PHF21A: variants seen among roughly 807,000 people sequenced by gnomAD.
PHF21A encodes the protein BHC80a.
A neutral mutation model predicts 82.5 loss-of-function variants in PHF21A; 11 were observed. The ratio of observed to expected loss-of-function variants is 0.13; its 90% CI spans 0.08 to 0.22. The LOEUF (loss-of-function observed/expected upper bound fraction) is 0.22. Ranked by LOEUF, PHF21A falls within the 10% of genes least tolerant of loss-of-function variation. PHF21A has a pLI of 1.00. For missense variants in PHF21A, 579 were observed against 837.8 expected, an observed-to-expected ratio of 0.69 and a Z score of 3.81; for synonymous variants, 297 against 302.8, an observed-to-expected ratio of 0.98 and a Z score of 0.20.
At chr11:46,008,743 C>G (rs989077803) in intron 6 of PHF21A, among the ~76,000 whole-genome samples, 2 of 152,082 alleles carry the variant, frequency 1.3e-5, no homozygotes, top group African/African-American at 4.8e-5. Flanking sequence ...ATAAATAAAT[C>G]TGAATATAAT....
At chr11:46,048,264 CT>C (rs1273037575) in intron 6 of PHF21A, among the ~76,000 whole-genome samples, 1 of 152,152 alleles carries the variant, frequency 6.6e-6, no homozygotes, top group Non-Finnish European at 1.5e-5. Context: ...AGTATAAGGC[CT>C]TTTGTCATTG....
intron 6 of PHF21A, among the ~76,000 whole-genome samples, chr11:46,028,730 C>T (rs573379621): frequency 1.3e-5 from 2 of 152,130 alleles, no homozygotes; most frequent in East Asian, 1.9e-4. Flanking sequence ...CCCGCCACCA[C>T]GCCCAGCTAA....
intron 15 of PHF21A, among the ~76,000 whole-genome samples, chr11:45,939,438 AT>A (rs1165896147): frequency 2.0e-5 from 3 of 152,244 alleles, no homozygotes; most frequent in Non-Finnish European, 4.4e-5. Flanking sequence ...ATGGGAAAAT[AT>A]TAAGTCAGAA....
intron 1 of PHF21A, among the ~76,000 whole-genome samples, chr11:46,099,555 CA>C (rs1349909082): frequency 1.1e-4 from 16 of 151,274 alleles, no homozygotes; most frequent in African/African-American, 3.9e-4. Context: ...CACACACACA[CA>C]CACACACCCT....
At chr11:46,001,232 G>T (rs1038897135) in intron 6 of PHF21A, among the ~76,000 whole-genome samples, 1 of 151,580 alleles carries the variant, frequency 6.6e-6, no homozygotes, top group Non-Finnish European at 1.5e-5. Flanking sequence ...GAATCTGAAG[G>T]GAATGTGGAA....
chr11:46,106,564 G>T (rs1010093756), intron 1 of PHF21A, among the ~76,000 whole-genome samples: 1 of 152,160 alleles, frequency 6.6e-6, no homozygotes, highest in Admixed American at 6.5e-5. Flanking sequence ...GAGATATGAT[G>T]ATTTCAATAA....
chr11:46,004,423 A>G (rs1423723000), intron 6 of PHF21A, among the ~76,000 whole-genome samples: 5 of 152,226 alleles, frequency 3.3e-5, no homozygotes, highest in Non-Finnish European at 7.4e-5. Flanking sequence ...TAGATAAGAA[A>G]TAAGAGACAC....
In PHF21A at chr11:45,930,757, A is replaced by T. The variant is rs2087583115; in HGVS notation, c.*3211T>A. 6.6e-6 allele frequency: 1 copy of T among 152,366 alleles called. No homozygotes were observed. The highest frequency in any genetic ancestry group is 6.5e-5 in the Admixed American group (1 of 15,288). 9.4% of individuals were successfully genotyped at this position (152,366 alleles called of 1,614,324 possible). A position where few individuals can be genotyped will look rare whatever the true frequency, so the allele number is the denominator to read the frequency against. On this transcript the variant is annotated 3_prime_UTR_variant, in exon 19 of 19. Coordinates refer to ENST00000676320, the MANE Select transcript of PHF21A (RefSeq NM_001352027.3). ...GCAGCCGCTCCAGCTCTCTGAAGTG[A>T]CTACAAAGCCAGCTGGTCTCAAAAG... is the stretch of plus-strand genomic sequence containing the variant.
chr11:46,089,522 C>T (rs2096898168), intron 3 of PHF21A, among the ~76,000 whole-genome samples: 1 of 151,884 alleles, frequency 6.6e-6, no homozygotes, highest in Non-Finnish European at 1.5e-5. Context: ...TCTTTTATGA[C>T]ACTCCACAGG....
intron 6 of PHF21A, among the ~76,000 whole-genome samples, chr11:45,989,890 T>G (rs1277933478): frequency 1.3e-5 from 2 of 149,774 alleles, no homozygotes; most frequent in African/African-American, 2.5e-5. Context: ...TATCAGCTAC[T>G]CAGGAGGCTG....
intron 6 of PHF21A, among the ~76,000 whole-genome samples, chr11:46,025,701 G>A (rs546496698): frequency 3.4e-4 from 52 of 152,088 alleles, no homozygotes; most frequent in African/African-American, 9.2e-4. Flanking sequence ...CCCCAAAAAT[G>A]TTATCTTTAC....
chr11:46,030,841 G>GTGTA (rs1272919576), intron 6 of PHF21A, among the ~76,000 whole-genome samples: 1 of 70,966 alleles, frequency 1.4e-5, no homozygotes, highest in Non-Finnish European at 2.6e-5. Flanking sequence ...GTGTGTGTGT[G>GTGTA]TGTGTGTGTG....
chr11:46,046,781 T>C (rs1386579076), intron 6 of PHF21A, among the ~76,000 whole-genome samples: 2 of 152,194 alleles, frequency 1.3e-5, no homozygotes, highest in African/African-American at 4.8e-5. Flanking sequence ...GAAGGAAGCC[T>C]GCCTTCACTC....
intron 1 of PHF21A, among the ~76,000 whole-genome samples, chr11:46,111,471 G>A (rs776710568): frequency 1.6e-4 from 25 of 151,952 alleles, no homozygotes; most frequent in Admixed American, 9.8e-4. Context: ...GCAAGACTCC[G>A]TCTCAAATAA....
At chr11:45,937,266 G>C (rs1389496392) in intron 16 of PHF21A, among the ~76,000 whole-genome samples, 2 of 152,172 alleles carry the variant, frequency 1.3e-5, no homozygotes, top group African/African-American at 4.8e-5. Context: ...CTCTAAAAAA[G>C]ACTTGAGACA....
At chr11:45,999,205 G>A (rs1462737596) in intron 6 of PHF21A, among the ~76,000 whole-genome samples, 3 of 152,140 alleles carry the variant, frequency 2.0e-5, no homozygotes, top group Non-Finnish European at 4.4e-5. Context: ...AGAGAAGAGA[G>A]CAGTAAATAG....
intron 1 of PHF21A, among the ~76,000 whole-genome samples, chr11:46,117,660 A>C (rs1307258883): frequency 6.6e-6 from 1 of 152,256 alleles, no homozygotes; most frequent in Non-Finnish European, 1.5e-5. Context: ...TATAGGGATG[A>C]TAACAAGGCT....
chr11:45,989,778 T>C (rs2094618378), intron 6 of PHF21A, among the ~76,000 whole-genome samples: 1 of 152,062 alleles, frequency 6.6e-6, no homozygotes, highest in Non-Finnish European at 1.5e-5. Flanking sequence ...GCAGGAGGAC[T>C]GCTTGGGCCC....
chr11:46,007,108 T>C (rs1307611970), intron 6 of PHF21A, among the ~76,000 whole-genome samples: 1 of 152,186 alleles, frequency 6.6e-6, no homozygotes, highest in Non-Finnish European at 1.5e-5. Flanking sequence ...GTGATCTTTC[T>C]TCCCTCCAAC....
Sources: gnomAD v4.1 joint callset for allele counts (sites outside exome capture counted in the v4.1 genomes callset) on GRCh38, gnomAD v4.1.1 for gene constraint, MANE v1.5 for transcripts, NCBI Gene and HGNC (gene_info 2026-07-23, HGNC 2026-07-21) for gene names.